UTS2: variants seen among roughly 807,000 people sequenced by gnomAD.
UTS2 encodes urotensin-2.
A neutral mutation model predicts 12.6 loss-of-function variants in UTS2; 10 were observed. That is an observed-to-expected ratio of 0.80 (90% CI 0.49 to 1.35). The LOEUF is 1.35. Ranked by LOEUF, UTS2 falls within the 40% of genes most tolerant of loss-of-function variation. The pLI is 0.00. For synonymous variants in UTS2, 52 were observed against 50.0 expected (o/e 1.04, Z -0.17); for missense variants, 142 against 143.2 (o/e 0.99, Z 0.04).
chr1:7,860,544 G>A, the UTS2 span, among the ~76,000 whole-genome samples: 1 of 152,176 alleles, frequency 6.6e-6, no homozygotes, highest in Non-Finnish European at 1.5e-5. Context: ...AGAACAGTAT[G>A]GCACAATCTA....
the UTS2 span, among the ~76,000 whole-genome samples, chr1:7,910,452 C>G: frequency 2.0e-5 from 3 of 152,256 alleles, no homozygotes; most frequent in South Asian, 6.2e-4. Context: ...CCCAGGGTCT[C>G]CCCACTCAGT....
At chr1:7,875,773 G>A in the UTS2 span, among the ~76,000 whole-genome samples, 1 of 152,028 alleles carries the variant, frequency 6.6e-6, no homozygotes, top group African/African-American at 2.4e-5. Context: ...AGGAACTTGA[G>A]AACAGACCCA....
the UTS2 span, among the ~76,000 whole-genome samples, chr1:7,887,448 A>G: frequency 6.6e-6 from 1 of 152,132 alleles, no homozygotes. Context: ...CTTTTTCCCA[A>G]TAATGAATGT....
chr1:7,884,798 C>T, the UTS2 span, among the ~76,000 whole-genome samples: 1 of 151,982 alleles, frequency 6.6e-6, no homozygotes. Context: ...ATCCACCTAC[C>T]CACCCATCCA....
intron 3 of UTS2, among the ~76,000 whole-genome samples, chr1:7,848,546 A>C (rs2097410275): frequency 6.6e-6 from 1 of 151,546 alleles, no homozygotes; most frequent in Admixed American, 6.6e-5. Flanking sequence ...TTTGAGATGG[A>C]GTTTTGCTCT....
At chr1:7,889,398 C>T in the UTS2 span, among the ~76,000 whole-genome samples, 1 of 135,590 alleles carries the variant, frequency 7.4e-6, no homozygotes. Context: ...GCCGAGATTG[C>T]ACCACTGAAC....
chr1:7,880,065 T>C, the UTS2 span, among the ~76,000 whole-genome samples: 3 of 152,110 alleles, frequency 2.0e-5, 1 homozygote. Context: ...TAGATCAGCC[T>C]GGGCAACATA....
At chr1:7,848,023 T>C in intron 3 of UTS2, 141 bp from the exon 4 acceptor site, 1 of 658,434 alleles carries the variant, frequency 1.5e-6, no homozygotes. Flanking sequence ...GGACTATAAT[T>C]GTAACAAGAG....
the UTS2 span, among the ~76,000 whole-genome samples, chr1:7,907,929 A>C: frequency 0.011 from 1,598 of 152,158 alleles, 16 homozygotes; most frequent in Middle Eastern, 0.024. Context: ...TGGGAGGCCG[A>C]GGCAAGCAAG....
chr1:7,876,390 G>C, the UTS2 span, among the ~76,000 whole-genome samples: 1 of 130,002 alleles, frequency 7.7e-6, no homozygotes, highest in Non-Finnish European at 1.7e-5. Flanking sequence ...CTGAAGATGG[G>C]TCCACCCAGC....
chr1:7,891,282 G>A, the UTS2 span, among the ~76,000 whole-genome samples: 1 of 152,020 alleles, frequency 6.6e-6, no homozygotes, highest in Non-Finnish European at 1.5e-5. Flanking sequence ...TTATATACTT[G>A]AAAATTGCTG....
At chr1:7,863,001 T>TTGTAG in the UTS2 span, among the ~76,000 whole-genome samples, 1 of 20,298 alleles carries the variant, frequency 4.9e-5, no homozygotes, top group African/African-American at 1.8e-4. Context: ...TTGTATTGTA[T>TTGTAG]TGTATTGTAT....
chr1:7,909,499 G>A, the UTS2 span, among the ~76,000 whole-genome samples: 3 of 138,952 alleles, frequency 2.2e-5, no homozygotes, highest in Non-Finnish European at 4.5e-5. Flanking sequence ...AGCTGAGATC[G>A]CACCACTACA....
the UTS2 span, among the ~76,000 whole-genome samples, chr1:7,886,728 C>T: frequency 6.6e-6 from 1 of 152,078 alleles, no homozygotes; most frequent in Non-Finnish European, 1.5e-5. Flanking sequence ...TCTCCGACTG[C>T]TTGTTTTTGG....
chr1:7,875,870 G>A, the UTS2 span, among the ~76,000 whole-genome samples: 2 of 152,114 alleles, frequency 1.3e-5, no homozygotes, highest in East Asian at 3.9e-4. Context: ...GCAAACTATT[G>A]GGGGGCCTGA....
the UTS2 span, among the ~76,000 whole-genome samples, chr1:7,890,096 A>G: frequency 6.7e-6 from 1 of 150,364 alleles, no homozygotes; most frequent in Non-Finnish European, 1.5e-5. Flanking sequence ...ATTGCACTCC[A>G]GCCTGGGCAA....
chr1:7,852,152 G>GTT (rs3835494), intron 1 of UTS2, among the ~76,000 whole-genome samples: 2 of 151,110 alleles, frequency 1.3e-5, no homozygotes, highest in Admixed American at 1.3e-4. Context: ...GGGTTTGTTT[G>GTT]TTTTTTTTCT....
At chr1:7,898,982 G>C in the UTS2 span, among the ~76,000 whole-genome samples, 4,041 of 152,262 alleles carry the variant, frequency 0.027, 82 homozygotes, top group Middle Eastern at 0.068. Flanking sequence ...TCCATAGGCT[G>C]TACAGGAAGC....
At chr1:7,886,084 C>T in the UTS2 span, among the ~76,000 whole-genome samples, 1 of 116,632 alleles carries the variant, frequency 8.6e-6, no homozygotes, top group Non-Finnish European at 2.1e-5. Flanking sequence ...AGGTGTAAAC[C>T]TCCATGTGGA....
Sources: allele counts gnomAD v4.1 joint callset (sites outside exome capture counted in the v4.1 genomes callset), GRCh38; gene constraint gnomAD v4.1.1; transcripts MANE v1.5; gene names NCBI Gene and HGNC (gene_info 2026-07-23, HGNC 2026-07-21).